Variants in RGS6 observed in about 807,000 individuals in gnomAD.
RGS6 encodes the protein regulator of G protein signaling 6.
A neutral mutation model predicts 78.5 loss-of-function variants in RGS6; 30 were observed. The observed-to-expected ratio is 0.38, with a 90% CI of 0.29 to 0.52. The LOEUF (loss-of-function observed/expected upper bound fraction) is 0.52. RGS6 is among the 20% of genes least tolerant of loss of function. The pLI is 0.85. For missense variants in RGS6, 495 were observed against 609.7 expected (o/e 0.81, Z 1.98); for synonymous variants, 206 against 206.0 (o/e 1.00, Z 0.00).
chr14:71,887,603 T>A, the RGS6 span, among the ~76,000 whole-genome samples: 1 of 152,160 alleles, frequency 6.6e-6, no homozygotes, highest in African/African-American at 2.4e-5. Flanking sequence ...TACGCCCTGG[T>A]CTCCTGCAGT....
chr14:72,067,230 A>C (rs544932077), intron 2 of RGS6, among the ~76,000 whole-genome samples: 3 of 152,336 alleles, frequency 2.0e-5, no homozygotes, highest in East Asian at 3.9e-4. Flanking sequence ...CAAACACTGC[A>C]TGTTCTCATT....
chr14:72,354,314 C>T (rs931238512), intron 3 of RGS6, among the ~76,000 whole-genome samples: 6 of 151,878 alleles, frequency 4.0e-5, no homozygotes, highest in African/African-American at 1.5e-4. Flanking sequence ...TTCTTGTATC[C>T]TTGTTTGGTG....
intron 14 of RGS6, among the ~76,000 whole-genome samples, chr14:72,513,610 G>A (rs2096905376): frequency 6.6e-6 from 1 of 152,228 alleles, no homozygotes; most frequent in Non-Finnish European, 1.5e-5. Context: ...CAGCTCTGAT[G>A]CAGGGAGCTC....
In RGS6 at chr14:72,238,427, C is replaced by A. The variant is rs111406565; in HGVS notation, c.85-113668C>A. Among the ~76,000 whole-genome samples the A allele has an allele frequency of 6.7e-3, 1,022 of 152,294 alleles. 9 individuals are homozygous for A. Among genetic ancestry groups the A allele is most frequent in the African/African-American group, 0.023 (971 of 41,564 alleles). On this transcript the variant is annotated intron_variant, in intron 2 of 17. Coordinates refer to ENST00000553525, the MANE Select transcript of RGS6 (RefSeq NM_001204424.2). ...GTACTTCCCTGTCTCCTGTCTGTAT[C>A]GCTATGTCAGTGCCAAACCGAAGGT... is the stretch of plus-strand genomic sequence containing the variant.
At chr14:72,081,456 A>G (rs1428444661) in intron 2 of RGS6, among the ~76,000 whole-genome samples, 2 of 151,966 alleles carry the variant, frequency 1.3e-5, no homozygotes, top group African/African-American at 4.8e-5. Context: ...TTGTTTCTAA[A>G]TTATCTTTTC....
chr14:71,919,405 TCTC>T, the RGS6 span, among the ~76,000 whole-genome samples: 2 of 152,136 alleles, frequency 1.3e-5, no homozygotes, highest in East Asian at 3.9e-4. Flanking sequence ...ACTTAGCACA[TCTC>T]CTCTGGGGAT....
At chr14:72,483,680 G>T (rs1476787516) in intron 12 of RGS6, among the ~76,000 whole-genome samples, 1 of 151,674 alleles carries the variant, frequency 6.6e-6, no homozygotes, top group East Asian at 1.9e-4. Flanking sequence ...TGGGGTCTTT[G>T]CTCCTCCTTT....
chr14:72,123,982 CAGTA>C (rs896592898), intron 2 of RGS6, among the ~76,000 whole-genome samples: 7 of 152,104 alleles, frequency 4.6e-5, no homozygotes, highest in African/African-American at 1.7e-4. Context: ...CTTAAAATAT[CAGTA>C]AGTGACAGAG....
the RGS6 span, among the ~76,000 whole-genome samples, chr14:71,917,989 C>T: frequency 2.0e-5 from 3 of 151,692 alleles, no homozygotes; most frequent in Non-Finnish European, 2.9e-5. Flanking sequence ...CTGGCTAACA[C>T]GGCGAAACCC....
chr14:71,923,547 C>T, the RGS6 span, among the ~76,000 whole-genome samples: 9,162 of 152,086 alleles, frequency 0.06, 377 homozygotes, highest in Non-Finnish European at 0.091. Flanking sequence ...ATAGCAAGAC[C>T]TCATATCTAT....
the RGS6 span, among the ~76,000 whole-genome samples, chr14:72,582,206 G>T: frequency 1.2e-3 from 178 of 152,164 alleles, no homozygotes; most frequent in African/African-American, 3.8e-3. Flanking sequence ...CCATATTGGG[G>T]ATCAAATTTC....
chr14:72,271,022 C>T lies in RGS6; in HGVS notation c.85-81073C>T, dbSNP rs547783628. ...AGATGAGCAAATTGTGGTCTTGAAA[C>T]CCATGCCTTTTGTTCAGATTATTAC... is the stretch of plus-strand genomic sequence containing the variant. On this transcript the variant is annotated intron_variant, in intron 2 of 17. Coordinates refer to ENST00000553525, the MANE Select transcript of RGS6 (RefSeq NM_001204424.2). Among the ~76,000 whole-genome samples, 16 of 152,254 alleles carry T rather than the reference C, an allele frequency of 1.1e-4. No individual in the cohort carries two copies. In the South Asian group the frequency reaches 3.3e-3, roughly 32 times the overall value.
chr14:71,869,742 G>T, the RGS6 span, among the ~76,000 whole-genome samples: 1 of 152,146 alleles, frequency 6.6e-6, no homozygotes, highest in Non-Finnish European at 1.5e-5. Flanking sequence ...TTGAATATTT[G>T]TCCCCTCAAA....
At chr14:72,022,240 C>T (rs2088789261) in intron 2 of RGS6, among the ~76,000 whole-genome samples, 1 of 152,170 alleles carries the variant, frequency 6.6e-6, no homozygotes, top group South Asian at 2.1e-4. Context: ...AGTGAACATT[C>T]ATGTGCATGT....
At chr14:72,400,418 C>T (rs1275039364) in intron 3 of RGS6, among the ~76,000 whole-genome samples, 1 of 152,112 alleles carries the variant, frequency 6.6e-6, no homozygotes, top group East Asian at 1.9e-4. Flanking sequence ...CTCTATCACC[C>T]ACCTCCTGAT....
intron 2 of RGS6, among the ~76,000 whole-genome samples, chr14:72,084,876 G>T (rs1166484554): frequency 6.6e-6 from 1 of 152,154 alleles, no homozygotes; most frequent in African/African-American, 2.4e-5. Context: ...AAACTAAGCT[G>T]TATAATCTTT....
In RGS6 at chr14:72,070,903, C is replaced by CGT. The variant is rs569892870; in HGVS notation, c.84+106033_84+106034dup. On this transcript the variant is annotated intron_variant, in intron 2 of 17. Coordinates refer to ENST00000553525, the MANE Select transcript of RGS6 (RefSeq NM_001204424.2). ...TATGTATACATATGTATGTTTTGTG[C>CGT]GTGTGTATTTCACCGTTGAGTGTTA... is the stretch of plus-strand genomic sequence containing the variant. Among the ~76,000 whole-genome samples, 567 of 152,246 alleles carry CGT rather than the reference C, an allele frequency of 3.7e-3. 12 individuals carry two copies. Among genetic ancestry groups the CGT allele is most frequent in the Non-Finnish European group, 1.8e-3 (123 of 68,018 alleles).
At chr14:72,481,881 T>G (rs903041644) in intron 12 of RGS6, among the ~76,000 whole-genome samples, 5 of 148,652 alleles carry the variant, frequency 3.4e-5, no homozygotes, top group Non-Finnish European at 4.4e-5. Flanking sequence ...CAATCTCGGC[T>G]CACTGCAAGC....
At chr14:72,417,248 G>A (rs2093881271) in intron 3 of RGS6, among the ~76,000 whole-genome samples, 1 of 152,220 alleles carries the variant, frequency 6.6e-6, no homozygotes, top group South Asian at 2.1e-4. Context: ...TGAGGTCATT[G>A]TCAAATATTC....
Sources: allele counts gnomAD v4.1 joint callset (sites outside exome capture counted in the v4.1 genomes callset), GRCh38; gene constraint gnomAD v4.1.1; transcripts MANE v1.5; gene names NCBI Gene and HGNC (gene_info 2026-07-23, HGNC 2026-07-21).